OPA1: variants seen among roughly 807,000 people sequenced by gnomAD.
OPA1 encodes the protein OPA1 mitochondrial dynamin like GTPase, also known as dynamin-like GTPase OPA1, mitochondrial.
In OPA1, 59 loss-of-function variants were observed where a neutral mutation model predicts 152.9. The ratio of observed to expected loss-of-function variants is 0.39; its 90% CI spans 0.31 to 0.48. The LOEUF is 0.48. Ranked by LOEUF, OPA1 falls within the 20% of genes least tolerant of loss-of-function variation. The pLI is 0.96. For synonymous variants in OPA1, 400 were observed against 389.9 expected (o/e 1.03, Z -0.31); for missense variants, 1,008 against 1,216.8 (o/e 0.83, Z 2.55).
At chr3:193,615,229 G>A (rs1728837006) in intron 2 of OPA1, among the ~76,000 whole-genome samples, 188 bp downstream of exon 2, 1 of 152,140 alleles carries the variant, frequency 6.6e-6, no homozygotes, top group Non-Finnish European at 1.5e-5. Context: ...ATAATTACAG[G>A]AAATTAAAAT....
At chr3:193,616,970 C>G (rs1352929724) in intron 3 of OPA1, among the ~76,000 whole-genome samples, 1 of 152,226 alleles carries the variant, frequency 6.6e-6, no homozygotes, top group Non-Finnish European at 1.5e-5. Context: ...AGCCTGTATT[C>G]TGGAGCTGGA....
intron 7 of OPA1, among the ~76,000 whole-genome samples, 150 bp from the exon 8 acceptor site, chr3:193,631,458 ACTTT>A (rs932709283): frequency 1.3e-5 from 2 of 152,182 alleles, no homozygotes; most frequent in African/African-American, 2.4e-5. Context: ...AGGTATTTTT[ACTTT>A]CTTAAATCAC....
intron 11 of OPA1, among the ~76,000 whole-genome samples, chr3:193,642,005 A>G (rs1275317516): frequency 6.6e-6 from 1 of 152,128 alleles, no homozygotes; most frequent in Non-Finnish European, 1.5e-5. Context: ...AATCCCAGCT[A>G]CTCGGGAGGC....
intron 1 of OPA1, among the ~76,000 whole-genome samples, chr3:193,603,092 G>A (rs1242997111): frequency 6.6e-6 from 1 of 152,160 alleles, no homozygotes; most frequent in African/African-American, 2.4e-5. Flanking sequence ...AGCCATTTTA[G>A]TAATGTCAGA....
intron 25 of OPA1, among the ~76,000 whole-genome samples, chr3:193,661,792 A>G (rs74708178): frequency 0.014 from 2,163 of 152,302 alleles, 51 homozygotes; most frequent in African/African-American, 0.048. Flanking sequence ...AACATGAGGC[A>G]GGATGAGCTT....
rs770966290 is a variant in OPA1, at chr3:193,638,010, A to G, written c.1094A>G (p.Gln365Arg). 2.0e-5 allele frequency: 33 copies of G among 1,614,018 alleles called. No homozygotes were observed. Among genetic ancestry groups the G allele is most frequent in the African/African-American group, 2.7e-5 (2 of 74,934 alleles). Residue 365 changes from glutamine (Q) to arginine (R), a missense_variant, in exon 11 of 31, where the codon CAA becomes CGA. Physicochemically the swap from Gln to Arg is conservative, Grantham distance 43. This residue lies in a region of OPA1 where 213 missense variants were observed against 291.4 expected (regional missense o/e 0.73). Coordinates refer to ENST00000361510, the MANE Select transcript of OPA1 (RefSeq NM_130837.3). ...ACTAGTGTGTTGGAAATGATTGCCC[A>G]AGCTCGAATATTCCCAAGAGGATCT... ...GKTSVLEMIA[Q>R]ARIFPRGSGE...
At chr3:193,665,264 A>ATAAG (rs1391224305) in intron 27 of OPA1, among the ~76,000 whole-genome samples, 38 of 108,018 alleles carry the variant, frequency 3.5e-4, no homozygotes, top group African/African-American at 1.5e-3. Flanking sequence ...AGTAAAAAAA[A>ATAAG]TAAATAAATA....
intron 29 of OPA1, among the ~76,000 whole-genome samples, chr3:193,670,871 G>C (rs1717773769): frequency 6.6e-6 from 1 of 152,064 alleles, no homozygotes; most frequent in Non-Finnish European, 1.5e-5. Context: ...TCCATAGCTG[G>C]AGCAGGGAAA....
intron 1 of OPA1, among the ~76,000 whole-genome samples, chr3:193,607,968 G>A (rs1727553710): frequency 6.6e-6 from 1 of 152,126 alleles, no homozygotes; most frequent in Admixed American, 6.5e-5. Flanking sequence ...CCTTGAAGAG[G>A]TCTTTCACAT....
chr3:193,686,750 G>T (rs1560077385), intron 29 of OPA1, among the ~76,000 whole-genome samples: 1 of 152,072 alleles, frequency 6.6e-6, no homozygotes, highest in African/African-American at 2.4e-5. Flanking sequence ...TTACTTTTCA[G>T]TACTCTAGTG....
Position 193,676,821 on chromosome 3 carries a change from A to C in OPA1, c.2983+9541A>C, listed in dbSNP as rs185175501. On this transcript the variant is annotated intron_variant, in intron 29 of 30. Coordinates refer to ENST00000361510, the MANE Select transcript of OPA1 (RefSeq NM_130837.3). ...CAGTGAAACCCCGTCTCTACTAAAA[A>C]TACAAAAAATTTAGCCAGGCGTGGT... 2.2e-4 allele frequency among the ~76,000 whole-genome samples: 33 copies of C among 152,208 alleles called. No individual in the cohort carries two copies. The East Asian group carries it at 6.2e-3, about 29-fold the overall frequency.
At chr3:193,671,864 C>T (rs1717996755) in intron 29 of OPA1, among the ~76,000 whole-genome samples, 1 of 152,168 alleles carries the variant, frequency 6.6e-6, no homozygotes, top group African/African-American at 2.4e-5. Flanking sequence ...TCCCTGAAGA[C>T]GTTGAAACAC....
At chr3:193,660,875 T>C (rs1577313097) in intron 25 of OPA1, among the ~76,000 whole-genome samples, 2 of 152,298 alleles carry the variant, frequency 1.3e-5, no homozygotes, top group East Asian at 3.9e-4. Flanking sequence ...TTTCTAGAGA[T>C]CCATCCAAGG....
rs538099724 is a variant in OPA1, at chr3:193,645,783, G to C, written c.1737G>C (p.Gln579His). ...GAGAATATGAAGAAGAGTTTTTTCA[G>C]AATTCAAAGCTCCTAAAGTAGGTAT... is the stretch of plus-strand genomic sequence containing the variant. ...AIREYEEEFF[Q>H]NSKLLKTSML... is the part of the protein sequence containing the mutation. The change falls in exon 18 of 31, where the codon CAG becomes CAC. Residue 579 changes from glutamine to histidine, a missense_variant. Physicochemically the swap from Gln to His is conservative, Grantham distance 24 (BLOSUM62 0). Coordinates refer to ENST00000361510, the MANE Select transcript of OPA1 (RefSeq NM_130837.3). 3.3e-5 allele frequency: 54 copies of C among 1,612,608 alleles called. 1 individual carries two copies. In the South Asian group the frequency reaches 5.4e-4, roughly 16 times the overall value.
In OPA1 at chr3:193,606,304, A is replaced by G. The variant is rs367984790; in HGVS notation, c.33-8419A>G. ...TATTATACTTTAAGTTTTAGGGTAC[A>G]TGTGCACAACGTGCAGGTTTGTTAC... On this transcript the variant is annotated intron_variant, in intron 1 of 30. Transcript: ENST00000361510. Among the ~76,000 whole-genome samples the G allele has an allele frequency of 3.9e-4, 59 of 152,258 alleles. No individual in the cohort carries two copies. In the East Asian group the frequency reaches 6.9e-3, roughly 18 times the overall value.
chr3:193,644,276 A>T (rs1163233026), intron 16 of OPA1, 171 bp downstream of exon 16: 2 of 709,308 alleles, frequency 2.8e-6, no homozygotes, highest in Non-Finnish European at 4.6e-6. Context: ...ACATGGTATG[A>T]AGTCTGAAGG....
Position 193,638,101 on chromosome 3 carries a change from G to T in OPA1, c.1149+36G>T, listed in dbSNP as rs756892049. ...AGGCCGTCTCAGTGAGGTTCCTTAG[G>T]AGAGTAACTGCTTCAGTGAGACCTG... On this transcript the variant is annotated intron_variant, in intron 11 of 30. Transcript: ENST00000361510. The T allele has an allele frequency of 5.6e-6, 8 of 1,422,918 alleles. No homozygotes were observed. In the South Asian group the frequency reaches 9.2e-5, roughly 16 times the overall value. 88.1% of individuals were successfully genotyped at this position (1,422,918 alleles called of 1,614,324 possible).
chr3:193,653,395 G>C (rs1281271293), intron 21 of OPA1, among the ~76,000 whole-genome samples: 5 of 152,146 alleles, frequency 3.3e-5, no homozygotes, highest in Non-Finnish European at 7.4e-5. Context: ...TTGGACAGCA[G>C]GATATTTCTG....
At position 193,696,832 on chromosome 3, in the gene OPA1, A is replaced by G. The variant is rs1421414765; in HGVS notation, c.*2232A>G. 1 of 152,252 alleles carries G rather than the reference A, an allele frequency of 6.6e-6. No individual in the cohort carries two copies. Among genetic ancestry groups the G allele is most frequent in the East Asian group, 1.9e-4 (1 of 5,204 alleles). 9.4% of individuals were successfully genotyped at this position (152,252 alleles called of 1,614,324 possible). ...GATGATATCCAAACTTAATTTGGCT[A>G]GGACTTCAATTTTAAAAATCAGTGT... On this transcript the variant is annotated 3_prime_UTR_variant, in exon 31 of 31. Transcript: ENST00000361510.
Sources: allele counts gnomAD v4.1 joint callset (sites outside exome capture counted in the v4.1 genomes callset), GRCh38; gene constraint gnomAD v4.1.1; regional missense constraint gnomAD v4.1.1; transcripts MANE v1.5; gene names NCBI Gene and HGNC (gene_info 2026-07-23, HGNC 2026-07-21).